Variants in TNFAIP2 observed in about 807,000 individuals in gnomAD.
TNFAIP2 encodes TNF alpha induced protein 2.
Under a neutral mutation model 63.5 loss-of-function variants are expected in TNFAIP2, and 47 were observed. That is an observed-to-expected ratio of 0.74 (90% CI 0.59 to 0.94). The LOEUF (loss-of-function observed/expected upper bound fraction) is 0.94. Among genes scored for constraint, TNFAIP2 ranks in the 40% least tolerant of loss-of-function variants. The probability of loss-of-function intolerance (pLI) is 0.00; values close to 1 mark genes in which losing one functional copy is unlikely to be tolerated. For missense variants in TNFAIP2, 787 were observed against 850.2 expected, an observed-to-expected ratio of 0.93 and a Z score of 0.92; for synonymous variants, 405 against 390.2, an observed-to-expected ratio of 1.04 and a Z score of -0.45.
chr14:103,128,779 G>A (rs1300785728), intron 3 of TNFAIP2, among the ~76,000 whole-genome samples: 1 of 152,182 alleles, frequency 6.6e-6, no homozygotes, highest in African/African-American at 2.4e-5. Context: ...CCGCTTGCTC[G>A]TCCTGACTCA....
Position 103,135,966 on chromosome 14 carries a change from C to A in TNFAIP2, c.*606C>A. The A allele has an allele frequency of 7.8e-7, 1 of 1,289,540 alleles. No homozygotes were observed. The highest frequency in any genetic ancestry group is 1.0e-6 in the Non-Finnish European group (1 of 988,944). 79.9% of individuals were successfully genotyped at this position (1,289,540 alleles called of 1,614,324 possible). On this transcript the variant is annotated 3_prime_UTR_variant, in exon 12 of 12. Transcript: ENST00000560869. This position sits in a 1 kb window ranked among gnomAD's most constrained non-coding sequence, Gnocchi z 7.6. ...ATTAGACGTCACATCCAGGTGGCCC[C>A]ACGGCCCCTACAGGCTGGCCCTGCA...
rs113946001 is a variant in TNFAIP2 at position 103,135,016 on chromosome 14, C to T, written c.1824-203C>T. 6.6e-6 allele frequency among the ~76,000 whole-genome samples: 1 copy of T among 152,140 alleles called. No individual in the cohort carries two copies. Among genetic ancestry groups the T allele is most frequent in the African/African-American group, 2.4e-5 (1 of 41,428 alleles). ...GGGAAGAACATTGCAGGGGAACAGC[C>T]GGTGCGGAGGCCTGAAGCAGGCTGG... is the stretch of plus-strand genomic sequence containing the variant. On this transcript the variant is annotated intron_variant, in intron 11 of 11. Transcript: ENST00000560869. This position sits in a 1 kb window ranked among gnomAD's most constrained non-coding sequence, Gnocchi z 7.6.
At chr14:103,130,978 G>A in intron 6 of TNFAIP2, 74 bp from the exon 7 acceptor site, 2 of 1,484,808 alleles carry the variant, frequency 1.3e-6, no homozygotes, top group Non-Finnish European at 1.9e-6. Context: ...GAGCTGGCAG[G>A]GAGGGCAGGG....
At chr14:103,126,852 C>G (rs1295109838) in intron 2 of TNFAIP2, among the ~76,000 whole-genome samples, 153 bp from the exon 3 acceptor site, 1 of 152,248 alleles carries the variant, frequency 6.6e-6, no homozygotes, top group Non-Finnish European at 1.5e-5. Context: ...GCTGGGAGGC[C>G]TTCAGCCTAG....
In TNFAIP2 at chr14:103,127,403, G is replaced by A. The variant is rs1350667681; in HGVS notation, c.634G>A (p.Val212Ile). 7.7e-6 allele frequency: 12 copies of A among 1,554,916 alleles called. No homozygotes were observed. Among genetic ancestry groups the A allele is most frequent in the South Asian group, 7.0e-5 (6 of 86,194 alleles). The change falls in exon 3 of 12, where the codon GTC (valine) becomes ATC (isoleucine). Residue 212 changes from valine to isoleucine, a missense_variant. By Grantham distance (29) the Val-to-Ile change is conservative. This residue lies in a region of TNFAIP2 where 523 missense variants were observed against 604.1 expected (regional missense o/e 0.87). Coordinates refer to ENST00000560869, the MANE Select transcript of TNFAIP2 (RefSeq NM_006291.4). This position sits in a 1 kb window ranked among gnomAD's most constrained non-coding sequence, Gnocchi z 5.1. The stretch of plus-strand genomic sequence containing the variant: ...CCAGCGGCCGGCCGCGGGCGCCGAG[G>A]TCCCCGAGAGCGTCTTTCTGCACTT... ...MGQRPAAGAE[V>I]PESVFLHLGR...
intron 3 of TNFAIP2, among the ~76,000 whole-genome samples, chr14:103,128,873 A>C (rs2087913811): frequency 1.3e-5 from 2 of 152,218 alleles, no homozygotes; most frequent in Non-Finnish European, 2.9e-5. Flanking sequence ...GGGGTTAGCA[A>C]CAGGCAACTA....
Position 103,127,520 on chromosome 14 carries a change from G to A in TNFAIP2, c.751G>A (p.Glu251Lys), listed in dbSNP as rs747632402. The change falls in exon 3 of 12, where the codon GAG (glutamate) becomes AAG (lysine). Residue 251 changes from glutamate to lysine, a missense_variant. By Grantham distance (56) the Glu-to-Lys change is moderately conservative. Around this residue, in one of 3 missense-constraint regions of TNFAIP2, gnomAD observed 523 missense variants for 604.1 expected, o/e 0.87. Coordinates refer to ENST00000560869, the MANE Select transcript of TNFAIP2 (RefSeq NM_006291.4). This position sits in a 1 kb window ranked among gnomAD's most constrained non-coding sequence, Gnocchi z 5.1. The stretch of plus-strand genomic sequence containing the variant: ...GTTCGGCGTCGTGGCGGCCTACGCC[G>A]AGAGCTACCACCAGCACTTCGCGGC... ...AEFGVVAAYA[E>K]SYHQHFAAHL... 6 of 1,589,560 alleles carry A rather than the reference G, an allele frequency of 3.8e-6. No homozygotes were observed. Among genetic ancestry groups the A allele is most frequent in the Non-Finnish European group, 3.4e-6 (4 of 1,175,468 alleles).
rs2087943846 is a variant in TNFAIP2, at chr14:103,130,207, C to A, written c.1098+83C>A. 5.8e-6 allele frequency: 9 copies of A among 1,554,330 alleles called. No individual in the cohort carries two copies. In the South Asian group the frequency reaches 1.1e-4, roughly 18 times the overall value. On this transcript the variant is annotated intron_variant, in intron 5 of 11. Coordinates refer to ENST00000560869, the MANE Select transcript of TNFAIP2 (RefSeq NM_006291.4). Reference sequence around the variant, plus strand: ...ACGCACATTCCGTCCTGTGTGCATACCCATGCCCACCTCGGGGCACCCCCT... The same window carrying A: ...ACGCACATTCCGTCCTGTGTGCATAACCATGCCCACCTCGGGGCACCCCCT...
intron 11 of TNFAIP2, 107 bp downstream of exon 11, chr14:103,133,910 C>G: frequency 7.3e-7 from 1 of 1,367,424 alleles, no homozygotes; most frequent in South Asian, 1.4e-5. Flanking sequence ...GTGCCAGTCA[C>G]TGTGTGAACC....
Position 103,135,764 on chromosome 14 carries a change from C to T in TNFAIP2, c.*404C>T. The stretch of plus-strand genomic sequence containing the variant: ...GGGTGGGGCCGAGGGCCCTCTTCAG[C>T]TCTCTGGAGACAGGGGCCGAGCCTC... On this transcript the variant is annotated 3_prime_UTR_variant, in exon 12 of 12. Coordinates refer to ENST00000560869, the MANE Select transcript of TNFAIP2 (RefSeq NM_006291.4). This position sits in a 1 kb window ranked among gnomAD's most constrained non-coding sequence, Gnocchi z 7.6. 4 of 1,285,232 alleles carry T rather than the reference C, an allele frequency of 3.1e-6. No homozygotes were observed. The highest frequency in any genetic ancestry group is 4.0e-6 in the Non-Finnish European group (4 of 989,258). 79.6% of individuals were successfully genotyped at this position (1,285,232 alleles called of 1,614,324 possible). A position where few individuals can be genotyped will look rare whatever the true frequency, so the allele number is the denominator to read the frequency against.
In TNFAIP2 at chr14:103,135,718, C is replaced by T. The variant is rs560615621; in HGVS notation, c.*358C>T. ...CTGTCCAGAGCCCCTCCACAGTCGGCCTCATGACTGTCCTCCTCGTGGGTG... is the reference window on the plus strand; with the variant it reads ...CTGTCCAGAGCCCCTCCACAGTCGGTCTCATGACTGTCCTCCTCGTGGGTG... On this transcript the variant is annotated 3_prime_UTR_variant, in exon 12 of 12. Coordinates refer to ENST00000560869, the MANE Select transcript of TNFAIP2 (RefSeq NM_006291.4). The surrounding 1 kb of genome is among the most constrained non-coding windows in gnomAD (Gnocchi z 7.6). The T allele has an allele frequency of 1.2e-5, 15 of 1,252,360 alleles. No homozygotes were observed. In the East Asian group the frequency reaches 6.9e-4, roughly 58 times the overall value. 77.6% of individuals were successfully genotyped at this position (1,252,360 alleles called of 1,614,324 possible).
chr14:103,121,528 C>A (rs1007754371), upstream of TNFAIP2, among the ~76,000 whole-genome samples: 10 of 152,252 alleles, frequency 6.6e-5, no homozygotes, highest in African/African-American at 9.6e-5. Flanking sequence ...CTATGGGCCC[C>A]ATTGGCTGTC....
intron 2 of TNFAIP2, 80 bp downstream of exon 2, chr14:103,126,772 C>T (rs945659895): frequency 9.2e-6 from 13 of 1,420,086 alleles, no homozygotes; most frequent in Non-Finnish European, 1.2e-5. Flanking sequence ...GCCACTTGCA[C>T]AGTGGGCCGG....
intron 1 of TNFAIP2, chr14:103,124,582 G>A (rs1420787342): frequency 3.3e-5 from 5 of 152,658 alleles, no homozygotes; most frequent in African/African-American, 1.2e-4. Flanking sequence ...TTGCTGGTAA[G>A]GGCCACCCTC....
chr14:103,127,942 C>G lies in TNFAIP2; in HGVS notation c.860+313C>G, dbSNP rs181584973. 2.0e-5 allele frequency among the ~76,000 whole-genome samples: 3 copies of G among 152,272 alleles called. No individual in the cohort carries two copies. In the East Asian group the frequency reaches 5.8e-4, roughly 29 times the overall value. ...CAGAAAATGGTAGGGATTTCATTCA[C>G]GAGCGCCCAGTCTGAGGAGGGGGCA... On this transcript the variant is annotated intron_variant, in intron 3 of 11. Transcript: ENST00000560869. The surrounding 1 kb of genome is among the most constrained non-coding windows in gnomAD (Gnocchi z 5.1).
chr14:103,124,687 A>G (rs2087817526), intron 1 of TNFAIP2, among the ~76,000 whole-genome samples: 3 of 152,232 alleles, frequency 2.0e-5, no homozygotes, highest in Non-Finnish European at 4.4e-5. Context: ...GGTGCTAGGC[A>G]TGCACCTGAG....
Position 103,127,704 on chromosome 14 carries a change from G to A in TNFAIP2, c.860+75G>A, listed in dbSNP as rs2087891539. 1.4e-6 allele frequency: 2 copies of A among 1,395,992 alleles called. No homozygotes were observed. The highest frequency in any genetic ancestry group is 2.6e-5 in the East Asian group (1 of 38,302). 86.5% of individuals were successfully genotyped at this position (1,395,992 alleles called of 1,614,324 possible). A position where few individuals can be genotyped will look rare whatever the true frequency, so the allele number is the denominator to read the frequency against. ...TAGGAGGGGTGTCGAGGGGTGTCGA[G>A]GTGTGCCGCCGGCAGCTTTTAGTGA... On this transcript the variant is annotated intron_variant, in intron 3 of 11. Coordinates refer to ENST00000560869, the MANE Select transcript of TNFAIP2 (RefSeq NM_006291.4). This position sits in a 1 kb window ranked among gnomAD's most constrained non-coding sequence, Gnocchi z 5.1.
intron 9 of TNFAIP2, among the ~76,000 whole-genome samples, chr14:103,133,129 G>T (rs886971090): frequency 7.1e-6 from 1 of 139,884 alleles, no homozygotes; most frequent in Non-Finnish European, 1.6e-5. Context: ...CACACGTGAA[G>T]GCACGAGCAT....
chr14:103,122,156 A>G (rs1374701457), upstream of TNFAIP2, among the ~76,000 whole-genome samples: 2 of 152,136 alleles, frequency 1.3e-5, no homozygotes, highest in African/African-American at 4.8e-5. Context: ...TTAACGCCCC[A>G]TCCTGCATCC....
Sources: gnomAD v4.1 joint callset for allele counts (sites outside exome capture counted in the v4.1 genomes callset) on GRCh38, gnomAD v4.1.1 for gene constraint, gnomAD v4.1.1 regional missense constraint, Gnocchi (gnomAD v3.1) non-coding constraint, MANE v1.5 for transcripts, NCBI Gene and HGNC (gene_info 2026-07-23, HGNC 2026-07-21) for gene names.